Variants in KCNT2 observed in about 807,000 individuals in gnomAD.
The protein encoded by KCNT2 is potassium sodium-activated channel subfamily T member 2, also known as potassium channel subfamily T member 2.
Under a neutral mutation model 153.8 loss-of-function variants are expected in KCNT2, and 67 were observed. The observed-to-expected ratio is 0.44, with a 90% CI of 0.36 to 0.53. The LOEUF (loss-of-function observed/expected upper bound fraction) is 0.53, where lower values mean the gene tolerates loss of function less well. Ranked by LOEUF, KCNT2 falls within the 20% of genes least tolerant of loss-of-function variation. The pLI is 0.00. For missense variants in KCNT2, 975 were observed against 1,354.8 expected, an observed-to-expected ratio of 0.72 and a Z score of 4.40; for synonymous variants, 500 against 458.8, an observed-to-expected ratio of 1.09 and a Z score of -1.15.
At chr1:196,273,553 T>C (rs1274216131) in intron 25 of KCNT2, 5 of 1,174,970 alleles carry the variant, frequency 4.3e-6, no homozygotes, top group African/African-American at 3.0e-5. Flanking sequence ...AAACAATAGA[T>C]GCATGCCAAC....
At chr1:196,350,690 A>G (rs1174487235) in intron 14 of KCNT2, among the ~76,000 whole-genome samples, 3 of 152,202 alleles carry the variant, frequency 2.0e-5, no homozygotes, top group East Asian at 1.9e-4. Context: ...TTTGCTGTGC[A>G]GAAGCTCTTT....
At chr1:196,343,222 G>T (rs887350219) in intron 14 of KCNT2, 7 of 152,154 alleles carry the variant, frequency 4.6e-5, no homozygotes, top group African/African-American at 9.7e-5. Context: ...TTATAAAGAA[G>T]ATAATTTTAC....
intron 11 of KCNT2, among the ~76,000 whole-genome samples, chr1:196,425,543 G>T (rs1161842117): frequency 6.6e-6 from 1 of 151,974 alleles, no homozygotes; most frequent in Non-Finnish European, 1.5e-5. Context: ...AGTGAGTCTG[G>T]ATACCTCAGT....
At chr1:196,493,015 C>G (rs957751229) in intron 1 of KCNT2, among the ~76,000 whole-genome samples, 6 of 152,078 alleles carry the variant, frequency 3.9e-5, no homozygotes, top group African/African-American at 1.4e-4. Context: ...ACAATAATAT[C>G]AACAGTCTAA....
chr1:196,417,879 T>C (rs115800766), intron 12 of KCNT2, among the ~76,000 whole-genome samples: 182 of 152,258 alleles, frequency 1.2e-3, no homozygotes, highest in African/African-American at 4.3e-3. Flanking sequence ...ACAGCTATGA[T>C]GTCACTAGGC....
intron 25 of KCNT2, among the ~76,000 whole-genome samples, chr1:196,263,617 A>G (rs1405561859): frequency 6.6e-6 from 1 of 152,136 alleles, no homozygotes. Context: ...TAGAACCTCT[A>G]TTACCTCAGC....
At chr1:196,492,683 T>C (rs1446078654) in intron 1 of KCNT2, among the ~76,000 whole-genome samples, 1 of 152,164 alleles carries the variant, frequency 6.6e-6, no homozygotes, top group African/African-American at 2.4e-5. Flanking sequence ...GTCTTTAATA[T>C]GTGTGTTTGA....
In KCNT2 at chr1:196,282,090, A is replaced by C. The variant is rs113640084; in HGVS notation, c.2781+183T>G. ...TTACACAAAATGGCTATTTATTATG[A>C]TTATTAAGTAAAAATAATATGTTTT... On this transcript the variant is annotated intron_variant, in intron 24 of 27. Coordinates refer to ENST00000294725, the MANE Select transcript of KCNT2 (RefSeq NM_198503.5). 1.3e-3 allele frequency among the ~76,000 whole-genome samples: 201 copies of C among 152,238 alleles called. 1 individual carries two copies. The highest frequency in any genetic ancestry group is 4.7e-3 in the African/African-American group (196 of 41,536).
At position 196,407,104 on chromosome 1, in the gene KCNT2, T is replaced by C. The variant is rs182800675; in HGVS notation, c.1186-8433A>G. On this transcript the variant is annotated intron_variant, in intron 12 of 27. Transcript: ENST00000294725. Reference sequence around the variant, plus strand: ...GGTACACTCCATAAATTGTATATTTTACTTACTTAAATCCTCTCCCAGGTT... The same window carrying C: ...GGTACACTCCATAAATTGTATATTTCACTTACTTAAATCCTCTCCCAGGTT... 2.0e-5 allele frequency among the ~76,000 whole-genome samples: 3 copies of C among 151,580 alleles called. No individual in the cohort carries two copies. In the East Asian group the frequency reaches 5.9e-4, roughly 30 times the overall value.
At chr1:196,508,315 A>AATGGTTAAT (rs1681330092) in intron 1 of KCNT2, among the ~76,000 whole-genome samples, 1 of 151,886 alleles carries the variant, frequency 6.6e-6, no homozygotes, top group African/African-American at 2.4e-5. Context: ...ATGAAAAAAT[A>AATGGTTAAT]ATGGTTAATA....
chr1:196,312,205 T>C (rs955855074), intron 21 of KCNT2, among the ~76,000 whole-genome samples: 4 of 151,608 alleles, frequency 2.6e-5, no homozygotes, highest in Non-Finnish European at 5.9e-5. Context: ...TATCTCCTTA[T>C]TGTCTTTGAT....
intron 26 of KCNT2, chr1:196,257,851 C>T: frequency 1.0e-6 from 1 of 985,102 alleles, no homozygotes; most frequent in Non-Finnish European, 1.2e-6. Context: ...ATCTCAGGCA[C>T]TAGAATAAGA....
intron 19 of KCNT2, among the ~76,000 whole-genome samples, chr1:196,324,202 G>A (rs1311239325): frequency 6.6e-6 from 1 of 151,940 alleles, no homozygotes; most frequent in Admixed American, 6.6e-5. Flanking sequence ...TGGATTGTTG[G>A]ATTCCCAAAT....
Position 196,369,163 on chromosome 1 carries a change from T to C in KCNT2, c.1403+3977A>G, listed in dbSNP as rs150903396. 3.7e-3 allele frequency among the ~76,000 whole-genome samples: 558 copies of C among 152,254 alleles called. 3 individuals are homozygous for C. Among genetic ancestry groups the C allele is most frequent in the African/African-American group, 0.013 (540 of 41,558 alleles). The stretch of plus-strand genomic sequence containing the variant: ...CAAATTGAAAGACAAAGAAAATGAA[T>C]TGCTAAATTTTTAAAATTCTGATAA... On this transcript the variant is annotated intron_variant, in intron 14 of 27. Transcript: ENST00000294725.
chr1:196,379,699 T>G (rs1296199718), intron 13 of KCNT2, among the ~76,000 whole-genome samples: 1 of 152,132 alleles, frequency 6.6e-6, no homozygotes, highest in Non-Finnish European at 1.5e-5. Flanking sequence ...TTTCTGTTTA[T>G]TCTGACTTAG....
chr1:196,319,138 C>T (rs190578286), intron 20 of KCNT2, among the ~76,000 whole-genome samples: 3 of 151,654 alleles, frequency 2.0e-5, no homozygotes, highest in Non-Finnish European at 4.4e-5. Flanking sequence ...CAGAAGTTAT[C>T]GTAACGCTAT....
chr1:196,435,139 G>GTATATATATATA (rs1166021273), intron 8 of KCNT2, among the ~76,000 whole-genome samples: 42 of 45,706 alleles, frequency 9.2e-4, no homozygotes, highest in East Asian at 1.5e-3. Context: ...GTGTGTGTAT[G>GTATATATATATA]TATATATATA....
intron 22 of KCNT2, among the ~76,000 whole-genome samples, chr1:196,298,270 C>A (rs1261399373): frequency 6.6e-6 from 1 of 152,168 alleles, no homozygotes; most frequent in African/African-American, 2.4e-5. Flanking sequence ...CAGAAGACTG[C>A]ACCCAATTTA....
At position 196,227,445 on chromosome 1, in the gene KCNT2, TTAAG is replaced by T. The variant is rs1653579092; in HGVS notation, c.*775_*778del. The T allele has an allele frequency of 6.6e-6, 1 of 152,072 alleles. No individual in the cohort carries two copies. The highest frequency in any genetic ancestry group is 6.6e-5 in the Admixed American group (1 of 15,260). The allele number at this position is 152,072 out of a possible 1,614,324, so 9.4% of individuals were successfully genotyped here. On this transcript the variant is annotated 3_prime_UTR_variant, in exon 28 of 28. Coordinates refer to ENST00000294725, the MANE Select transcript of KCNT2 (RefSeq NM_198503.5). ...TTAAATTTAAGTCAACAAATGTGTA[TTAAG>T]TATTTTCTCTATGCTAGGCATTCGT...
Sources: allele counts gnomAD v4.1 joint callset (sites outside exome capture counted in the v4.1 genomes callset), GRCh38; gene constraint gnomAD v4.1.1; transcripts MANE v1.5; gene names NCBI Gene and HGNC (gene_info 2026-07-23, HGNC 2026-07-21).